The following LCMT1 variants were observed in gnomAD, a reference collection of about 807,000 sequenced individuals.
The protein encoded by LCMT1 is [Phosphatase 2A protein]-leucine-carboxy methyltransferase 1.
In LCMT1, 32 loss-of-function variants were observed where a neutral mutation model predicts 47.7. That is an observed-to-expected ratio of 0.67 (90% CI 0.51 to 0.90). The LOEUF (loss-of-function observed/expected upper bound fraction) is 0.90, where lower values mean the gene tolerates loss of function less well. LCMT1 is among the 40% of genes least tolerant of loss of function. The pLI, the probability that LCMT1 is intolerant of heterozygous loss-of-function variation, is 0.00. For synonymous variants in LCMT1, 152 were observed against 149.7 expected, an observed-to-expected ratio of 1.02 and a Z score of -0.11; for missense variants, 375 against 415.2, an observed-to-expected ratio of 0.90 and a Z score of 0.84.
At chr16:25,149,538 A>G (rs1961002927) in intron 4 of LCMT1, among the ~76,000 whole-genome samples, 1 of 152,234 alleles carries the variant, frequency 6.6e-6, no homozygotes, top group Non-Finnish European at 1.5e-5. Flanking sequence ...TGCCTGGAAC[A>G]TTTAAAAAGT....
intron 4 of LCMT1, chr16:25,145,255 A>G (rs950911612): frequency 6.6e-6 from 1 of 152,242 alleles, no homozygotes; most frequent in African/African-American, 2.4e-5. Context: ...CCGCTCAGCC[A>G]GGAAATTCAA....
At chr16:25,160,991 T>TA in intron 5 of LCMT1, 111 bp from the exon 6 acceptor site, 1 of 664,254 alleles carries the variant, frequency 1.5e-6, no homozygotes, top group Non-Finnish European at 2.6e-6. Context: ...TACGTATTTT[T>TA]TTTTTTTAAC....
intron 1 of LCMT1, among the ~76,000 whole-genome samples, chr16:25,122,544 G>A (rs1289584331): frequency 6.6e-6 from 1 of 151,990 alleles, no homozygotes; most frequent in Non-Finnish European, 1.5e-5. Context: ...GCCCAGGCTG[G>A]TCTTGAACTC....
chr16:25,136,964 G>A (rs1158698863), intron 3 of LCMT1, among the ~76,000 whole-genome samples: 2 of 152,222 alleles, frequency 1.3e-5, no homozygotes, highest in Non-Finnish European at 2.9e-5. Context: ...AGTCCCATAA[G>A]AGCTGCAGGG....
intron 5 of LCMT1, among the ~76,000 whole-genome samples, chr16:25,155,809 T>G (rs547034158): frequency 1.3e-5 from 2 of 152,076 alleles, no homozygotes; most frequent in Admixed American, 1.3e-4. Flanking sequence ...GTCTCCCGAG[T>G]AGCTGGGACT....
chr16:25,156,940 CTTTTTTT>C (rs5816285), intron 5 of LCMT1, among the ~76,000 whole-genome samples: 2 of 130,006 alleles, frequency 1.5e-5, no homozygotes, highest in Admixed American at 7.9e-5. Context: ...TCCATTTTAC[CTTTTTTT>C]TTTTTTTTTT....
intron 5 of LCMT1, 142 bp downstream of exon 5, chr16:25,151,757 C>T (rs1453138489): frequency 2.8e-5 from 16 of 574,518 alleles, no homozygotes; most frequent in Non-Finnish European, 3.5e-5. Context: ...TGAAGAATGA[C>T]GAGGTTCATA....
chr16:25,139,221 T>C (rs1960600515), intron 3 of LCMT1, among the ~76,000 whole-genome samples: 1 of 152,230 alleles, frequency 6.6e-6, no homozygotes, highest in East Asian at 1.9e-4. Flanking sequence ...TCTTCACTTT[T>C]CAAACAAGTA....
chr16:25,164,558 T>G (rs773616958), intron 6 of LCMT1, 40 bp from the exon 7 acceptor site: 4 of 1,613,318 alleles, frequency 2.5e-6, no homozygotes, highest in Admixed American at 1.7e-5. Flanking sequence ...CCTGACTTGA[T>G]GATAACAAAT....
intron 3 of LCMT1, 28 bp from the exon 4 acceptor site, chr16:25,140,143 A>T (rs1960636108): frequency 6.5e-7 from 1 of 1,539,140 alleles, no homozygotes; most frequent in Admixed American, 1.8e-5. Flanking sequence ...GAGTAAAGAA[A>T]TAAAAAGTAT....
At chr16:25,168,303 C>A (rs765498373) in intron 7 of LCMT1, among the ~76,000 whole-genome samples, 3 of 152,210 alleles carry the variant, frequency 2.0e-5, no homozygotes, top group Non-Finnish European at 4.4e-5. Flanking sequence ...CCTGCCTCAG[C>A]CTCCCAAAGT....
intron 6 of LCMT1, among the ~76,000 whole-genome samples, chr16:25,163,484 A>G (rs1961493804): frequency 6.6e-6 from 1 of 151,802 alleles, no homozygotes; most frequent in East Asian, 1.9e-4. Flanking sequence ...AAAAAAAAAA[A>G]AAGAATCTAA....
At chr16:25,124,959 G>T (rs1255959641) in intron 1 of LCMT1, among the ~76,000 whole-genome samples, 1 of 152,206 alleles carries the variant, frequency 6.6e-6, no homozygotes, top group Non-Finnish European at 1.5e-5. Flanking sequence ...ACACTAAATT[G>T]AACAGGTGGC....
intron 1 of LCMT1, among the ~76,000 whole-genome samples, chr16:25,115,817 A>G (rs773563433): frequency 6.6e-6 from 1 of 152,148 alleles, no homozygotes; most frequent in Admixed American, 6.6e-5. Context: ...AGCTGGGACT[A>G]CAGGTGCCTG....
At chr16:25,112,889 T>A (rs974968307) in intron 1 of LCMT1, among the ~76,000 whole-genome samples, 2 of 152,148 alleles carry the variant, frequency 1.3e-5, no homozygotes, top group African/African-American at 4.8e-5. Flanking sequence ...ACGCCTGTAA[T>A]CCCAGCACTT....
chr16:25,130,872 C>G (rs1330475021), intron 2 of LCMT1, among the ~76,000 whole-genome samples: 2 of 152,168 alleles, frequency 1.3e-5, no homozygotes, highest in Non-Finnish European at 2.9e-5. Context: ...TTGGCAGCAG[C>G]CTGAATGTGT....
chr16:25,138,551 G>A (rs543938111), intron 3 of LCMT1, among the ~76,000 whole-genome samples: 472 of 152,278 alleles, frequency 3.1e-3, no homozygotes, highest in African/African-American at 0.011. Context: ...GTGTGTGTAT[G>A]TGTGTCTTTC....
In LCMT1 at chr16:25,161,113, C is replaced by G; in HGVS notation, c.478C>G (p.Leu160Val). The G allele has an allele frequency of 6.2e-7, 1 of 1,604,248 alleles. No homozygotes were observed. Reference protein sequence around the residue: ...EDTLQMDGHILDSKRYAVIGA... With the variant: ...EDTLQMDGHIVDSKRYAVIGA... ...GATTGCATTTGCAGATGGACACATA[C>G]TGGATTCAAAGAGATATGCCGTTAT... is the stretch of plus-strand genomic sequence containing the variant. Residue 160 changes from leucine (L) to valine (V), a missense_variant, in exon 6 of 11, where the codon CTG (leucine) becomes GTG (valine). Leu to Val is a conservative substitution (Grantham distance 32). Coordinates refer to ENST00000399069, the MANE Select transcript of LCMT1 (RefSeq NM_016309.3).
chr16:25,148,741 G>T (rs576580617), intron 4 of LCMT1: 23 of 152,382 alleles, frequency 1.5e-4, no homozygotes, highest in African/African-American at 5.3e-4. Context: ...GCCAGTCGCG[G>T]TGGCAGCGCT....
Sources: gnomAD v4.1 joint callset for allele counts (sites outside exome capture counted in the v4.1 genomes callset) on GRCh38, gnomAD v4.1.1 for gene constraint, MANE v1.5 for transcripts, NCBI Gene and HGNC (gene_info 2026-07-23, HGNC 2026-07-21) for gene names.